The following NPHP4 variants were observed in gnomAD, a reference collection of about 807,000 sequenced individuals.
NPHP4 encodes nephrocystin 4, also known as nephrocystin-4.
NPHP4 carries 151 observed loss-of-function variants against 155.8 expected under a neutral mutation model. That is an observed-to-expected ratio of 0.97 (90% CI 0.85 to 1.11). NPHP4 has a LOEUF of 1.11. Ranked by LOEUF, NPHP4 falls within the 50% of genes least tolerant of loss-of-function variation. NPHP4 has a pLI of 0.00. For synonymous variants in NPHP4, 845 were observed against 816.8 expected, an observed-to-expected ratio of 1.03 and a Z score of -0.59; for missense variants, 1,956 against 1,925.7, an observed-to-expected ratio of 1.02 and a Z score of -0.29.
At chr1:5,973,692 T>C (rs1479404335) in intron 3 of NPHP4, among the ~76,000 whole-genome samples, 5 of 152,242 alleles carry the variant, frequency 3.3e-5, no homozygotes, top group Non-Finnish European at 7.3e-5. Context: ...TCAATCACTG[T>C]ACAATTAAAC....
At chr1:5,946,118 G>T (rs185067627) in intron 9 of NPHP4, among the ~76,000 whole-genome samples, 298 of 152,300 alleles carry the variant, frequency 2.0e-3, no homozygotes, top group Non-Finnish European at 3.1e-3. Flanking sequence ...ACAAAACCTA[G>T]TATGTACCGT....
intron 3 of NPHP4, among the ~76,000 whole-genome samples, chr1:5,977,977 ATTCCCAAGAACTCCAAGATTCCTT>A (rs1354689767): frequency 6.7e-6 from 1 of 149,008 alleles, no homozygotes; most frequent in Non-Finnish European, 1.5e-5. Context: ...TTCCCAACTT[ATTCCCAAGAACTCCAAGATTCCTT>A]GAAGGTGACA....
rs1641065381 is a variant in NPHP4, at chr1:5,865,082, A to G, written c.3816+20T>C. On this transcript the variant is annotated intron_variant, in intron 27 of 29. Coordinates refer to ENST00000378156, the MANE Select transcript of NPHP4 (RefSeq NM_015102.5). ...CTGGGGTTGGGGAGAGGCTCAGAAC[A>G]GCCCCCAGAGAGGCCGTACCTTCAG... The G allele has an allele frequency of 3.1e-6, 5 of 1,611,170 alleles. No homozygotes were observed. The highest frequency in any genetic ancestry group is 3.4e-6 in the Non-Finnish European group (4 of 1,177,864).
rs1332221104 is a variant in NPHP4, at chr1:5,882,241, T to C, written c.2486-2002A>G. 1.5e-5 allele frequency: 2 copies of C among 131,040 alleles called. No homozygotes were observed. The highest frequency in any genetic ancestry group is 5.8e-5 in the African/African-American group (2 of 34,500). The allele number at this position is 131,040 out of a possible 1,614,324, so 8.1% of individuals were successfully genotyped here. ...GCGCGCTTACCCAGCCATCTCTCAG[T>C]GGCGCGCTTACCCAGCCATCTCTCA... On this transcript the variant is annotated intron_variant, in intron 18 of 29. Coordinates refer to ENST00000378156, the MANE Select transcript of NPHP4 (RefSeq NM_015102.5). The surrounding 1 kb of genome is among the most constrained non-coding windows in gnomAD (Gnocchi z 5.1).
intron 16 of NPHP4, among the ~76,000 whole-genome samples, chr1:5,902,071 T>G (rs1451413430): frequency 3.3e-5 from 5 of 152,166 alleles, no homozygotes; most frequent in African/African-American, 1.2e-4. Flanking sequence ...GCTTCACACC[T>G]CTATGCAAAG....
At chr1:5,927,861 C>A in intron 10 of NPHP4, 74 bp from the exon 11 acceptor site, 1 of 1,483,876 alleles carries the variant, frequency 6.7e-7, no homozygotes. Flanking sequence ...CAACCAGGAA[C>A]AGCAGGCTCT....
chr1:5,937,196 A>G (rs903363233), intron 9 of NPHP4, among the ~76,000 whole-genome samples: 4 of 152,018 alleles, frequency 2.6e-5, no homozygotes, highest in Non-Finnish European at 5.9e-5. Flanking sequence ...GCTCTGTCAC[A>G]CCAGGGGTTT....
At chr1:5,868,103 C>G (rs1484645105) in intron 23 of NPHP4, 1 of 700,186 alleles carries the variant, frequency 1.4e-6, no homozygotes, top group East Asian at 2.7e-5. Context: ...TAAGCAAGGT[C>G]TGGGCCGGCA....
intron 16 of NPHP4, among the ~76,000 whole-genome samples, chr1:5,891,243 T>C (rs1644109697): frequency 6.6e-6 from 1 of 152,204 alleles, no homozygotes; most frequent in African/African-American, 2.4e-5. Context: ...ATAGAAACAA[T>C]AAACTCCTCC....
At chr1:5,866,793 G>A (rs1641277131) in intron 25 of NPHP4, among the ~76,000 whole-genome samples, 1 of 152,042 alleles carries the variant, frequency 6.6e-6, no homozygotes, top group Non-Finnish European at 1.5e-5. Context: ...TTTGCTTCGT[G>A]CCTTTTTAAA....
chr1:5,946,250 A>G (rs981932827), intron 9 of NPHP4, among the ~76,000 whole-genome samples: 1 of 152,224 alleles, frequency 6.6e-6, no homozygotes, highest in Non-Finnish European at 1.5e-5. Context: ...TAAGAACAGC[A>G]GGATTTGGGT....
intron 18 of NPHP4, chr1:5,880,521 C>A: frequency 2.4e-6 from 1 of 414,360 alleles, no homozygotes; most frequent in Non-Finnish European, 4.5e-6. Flanking sequence ...GTTCGCTGCA[C>A]ATGGATTCTT....
At chr1:5,891,804 G>A (rs1431030039) in intron 16 of NPHP4, among the ~76,000 whole-genome samples, 1 of 152,220 alleles carries the variant, frequency 6.6e-6, no homozygotes, top group African/African-American at 2.4e-5. Context: ...CAGGCCCCAA[G>A]CCAGGCTGAA....
chr1:5,913,357 TAG>T (rs1645289306), intron 11 of NPHP4, among the ~76,000 whole-genome samples: 1 of 152,150 alleles, frequency 6.6e-6, no homozygotes, highest in African/African-American at 2.4e-5. Context: ...CATGGATTGC[TAG>T]AGACAAAGAA....
intron 10 of NPHP4, among the ~76,000 whole-genome samples, chr1:5,931,417 A>AC (rs1299897441): frequency 3.3e-5 from 5 of 150,932 alleles, no homozygotes; most frequent in African/African-American, 1.2e-4. Flanking sequence ...AAAAAAAAAA[A>AC]AAGTACTGTA....
At chr1:5,955,199 G>A (rs576540929) in intron 6 of NPHP4, among the ~76,000 whole-genome samples, 1 of 152,320 alleles carries the variant, frequency 6.6e-6, no homozygotes, top group Non-Finnish European at 1.5e-5. Flanking sequence ...TCACTTCAGT[G>A]AGAATGGCCA....
At position 5,889,009 on chromosome 1, in the gene NPHP4, A is replaced by C. The variant is rs1473137303; in HGVS notation, c.2305-1543T>G. On this transcript the variant is annotated intron_variant, in intron 17 of 29. Coordinates refer to ENST00000378156, the MANE Select transcript of NPHP4 (RefSeq NM_015102.5). This position sits in a 1 kb window ranked among gnomAD's most constrained non-coding sequence, Gnocchi z 4.2. The stretch of plus-strand genomic sequence containing the variant: ...TGGGCCTCTGTTTTCTCCACCAGAA[A>C]CAAGGATAAAAACAGAACTGCCCCA... 2.0e-5 allele frequency among the ~76,000 whole-genome samples: 3 copies of C among 152,318 alleles called. No homozygotes were observed. In the East Asian group the frequency reaches 5.8e-4, roughly 29 times the overall value.
At chr1:5,929,754 TTC>T (rs1646183463) in intron 10 of NPHP4, among the ~76,000 whole-genome samples, 1 of 152,102 alleles carries the variant, frequency 6.6e-6, no homozygotes, top group South Asian at 2.1e-4. Context: ...GGGTCCACAG[TTC>T]TGTTTTCTTG....
At chr1:5,867,000 T>A in intron 25 of NPHP4, 30 bp downstream of exon 25, 1 of 1,582,410 alleles carries the variant, frequency 6.3e-7, no homozygotes, top group Admixed American at 1.7e-5. Context: ...GGGAAGGATC[T>A]GCCTGAGCTG....
Sources: allele counts gnomAD v4.1 joint callset (sites outside exome capture counted in the v4.1 genomes callset), GRCh38; gene constraint gnomAD v4.1.1; non-coding constraint Gnocchi (gnomAD v3.1); transcripts MANE v1.5; gene names NCBI Gene and HGNC (gene_info 2026-07-23, HGNC 2026-07-21).